LDB2: variants seen among roughly 807,000 people sequenced by gnomAD.
LDB2 encodes the protein LIM domain binding 2, also known as LIM domain-binding protein 2.
Under a neutral mutation model 44.3 loss-of-function variants are expected in LDB2, and 12 were observed. The ratio of observed to expected loss-of-function variants is 0.27; its 90% confidence interval spans 0.17 to 0.44. The LOEUF (loss-of-function observed/expected upper bound fraction) is 0.44, where lower values mean the gene tolerates loss of function less well. Ranked by LOEUF, LDB2 falls within the 20% of genes least tolerant of loss-of-function variation. The pLI is 1.00. For missense variants in LDB2, 344 were observed against 473.5 expected, an observed-to-expected ratio of 0.73 and a Z score of 2.54; for synonymous variants, 164 against 174.8, an observed-to-expected ratio of 0.94 and a Z score of 0.49.
chr4:16,703,027 TATGTCTATAC>T (rs1753825425), intron 2 of LDB2, among the ~76,000 whole-genome samples: 1 of 152,208 alleles, frequency 6.6e-6, no homozygotes, highest in African/African-American at 2.4e-5. Context: ...CCTTCCTGTG[TATGTCTATAC>T]ACAACCAACC....
chr4:16,540,087 C>T (rs1733243960), intron 5 of LDB2, among the ~76,000 whole-genome samples: 1 of 152,048 alleles, frequency 6.6e-6, no homozygotes. Flanking sequence ...GAGATGGTGC[C>T]ATACACTTTT....
Position 16,614,808 on chromosome 4 carries a change from C to T in LDB2, c.236-18933G>A, listed in dbSNP as rs1381965484. On this transcript the variant is annotated intron_variant, in intron 2 of 7. Transcript: ENST00000304523. ...AGAAACGGCCGGGCGCGGTGGCTCA[C>T]GCCTGTAATCCCAGCACTTTGGGAG... 7.3e-5 allele frequency among the ~76,000 whole-genome samples: 11 copies of T among 151,626 alleles called. 1 individual carries two copies. In the South Asian group the frequency reaches 8.3e-4, roughly 11 times the overall value.
chr4:16,503,915 G>T (rs1212729675), intron 7 of LDB2, among the ~76,000 whole-genome samples: 1 of 152,176 alleles, frequency 6.6e-6, no homozygotes, highest in Non-Finnish European at 1.5e-5. Flanking sequence ...CAGAGCTCCA[G>T]CTTCTTTGTT....
intron 2 of LDB2, among the ~76,000 whole-genome samples, chr4:16,670,762 G>C (rs957193189): frequency 1.3e-5 from 2 of 152,144 alleles, no homozygotes; most frequent in African/African-American, 2.4e-5. Flanking sequence ...GCCTGAAAAA[G>C]GTTTTGTGGT....
chr4:16,829,506 G>A (rs1231423333), intron 1 of LDB2, among the ~76,000 whole-genome samples: 4 of 152,074 alleles, frequency 2.6e-5, no homozygotes, highest in Non-Finnish European at 4.4e-5. Context: ...TATAAAAAGA[G>A]GGCACATTTT....
At chr4:16,702,117 G>C (rs1333068420) in intron 2 of LDB2, among the ~76,000 whole-genome samples, 3 of 152,044 alleles carry the variant, frequency 2.0e-5, no homozygotes, top group African/African-American at 4.8e-5. Flanking sequence ...ATAAATGAGA[G>C]GAGGAGAAAA....
chr4:16,838,100 A>C (rs990484528), intron 1 of LDB2, among the ~76,000 whole-genome samples: 2 of 152,240 alleles, frequency 1.3e-5, no homozygotes, highest in Non-Finnish European at 2.9e-5. Context: ...AAAGAAAATC[A>C]GAGCCCTGTT....
intron 2 of LDB2, among the ~76,000 whole-genome samples, chr4:16,599,685 T>C (rs1722030674): frequency 6.6e-6 from 1 of 152,098 alleles, no homozygotes; most frequent in African/African-American, 2.4e-5. Context: ...ATGTGCAATA[T>C]ATAAATAATG....
chr4:16,505,656 A>G (rs1719114169), intron 7 of LDB2, among the ~76,000 whole-genome samples: 2 of 148,390 alleles, frequency 1.3e-5, no homozygotes, highest in African/African-American at 2.5e-5. Context: ...CAGTGAGAGT[A>G]CATTTCCTTC....
At chr4:16,716,134 C>CT (rs1339747786) in intron 2 of LDB2, among the ~76,000 whole-genome samples, 2 of 152,120 alleles carry the variant, frequency 1.3e-5, no homozygotes, top group African/African-American at 4.8e-5. Context: ...ATGTTTCTAT[C>CT]TTTTTCTTAA....
At chr4:16,865,085 G>A (rs568024520) in intron 1 of LDB2, among the ~76,000 whole-genome samples, 2 of 150,742 alleles carry the variant, frequency 1.3e-5, no homozygotes, top group East Asian at 2.0e-4. Context: ...ACCCCGTCTC[G>A]TCTAAAAATA....
chr4:16,853,590 T>C lies in LDB2; in HGVS notation c.132+44764A>G, dbSNP rs373220590. Reference sequence around the variant, plus strand: ...TGGAGGTTTCCAAAGACATTAAACATAGAACTAACATGTGGCTTAGTAATC... The same window carrying C: ...TGGAGGTTTCCAAAGACATTAAACACAGAACTAACATGTGGCTTAGTAATC... On this transcript the variant is annotated intron_variant, in intron 1 of 7. Coordinates refer to ENST00000304523, the MANE Select transcript of LDB2 (RefSeq NM_001290.5). 3.1e-4 allele frequency among the ~76,000 whole-genome samples: 47 copies of C among 152,286 alleles called. No individual in the cohort carries two copies. In the South Asian group the frequency reaches 9.5e-3, roughly 31 times the overall value.
At chr4:16,721,334 G>A (rs554126618) in intron 2 of LDB2, among the ~76,000 whole-genome samples, 1 of 152,086 alleles carries the variant, frequency 6.6e-6, no homozygotes, top group South Asian at 2.1e-4. Context: ...AAAATATAAG[G>A]GACAGCATGT....
Position 16,752,535 on chromosome 4 carries a change from T to C in LDB2, c.235+6623A>G, listed in dbSNP as rs979542568. 1.3e-5 allele frequency: 5 copies of C among 396,174 alleles called. No individual in the cohort carries two copies. In the East Asian group the frequency reaches 3.1e-4, roughly 25 times the overall value. 24.5% of individuals were successfully genotyped at this position (396,174 alleles called of 1,614,324 possible). A position where few individuals can be genotyped will look rare whatever the true frequency, so the allele number is the denominator to read the frequency against. On this transcript the variant is annotated intron_variant, in intron 2 of 7. Coordinates refer to ENST00000304523, the MANE Select transcript of LDB2 (RefSeq NM_001290.5). ...TTCCCACTATGTGCCAAATAAATAA[T>C]GGGAACTCCATGGTAATTTGAAGTG...
chr4:16,693,756 C>T (rs536256337), intron 2 of LDB2, among the ~76,000 whole-genome samples: 35 of 152,298 alleles, frequency 2.3e-4, no homozygotes, highest in Non-Finnish European at 4.6e-4. Context: ...CTGTGCAATG[C>T]GAATGCAGCA....
Position 16,632,067 on chromosome 4 carries a change from T to A in LDB2, c.236-36192A>T, listed in dbSNP as rs960856079. Reference sequence around the variant, plus strand: ...TTCCAATCAATAGAAAAAGAGGGAATCCTCCCTAACTCATTTTATGAGGCC... The same window carrying A: ...TTCCAATCAATAGAAAAAGAGGGAAACCTCCCTAACTCATTTTATGAGGCC... On this transcript the variant is annotated intron_variant, in intron 2 of 7. Transcript: ENST00000304523. 1.2e-4 allele frequency among the ~76,000 whole-genome samples: 19 copies of A among 152,206 alleles called. No individual in the cohort carries two copies. In the South Asian group the frequency reaches 4.0e-3, roughly 32 times the overall value.
At chr4:16,510,239 C>T (rs16893562) in intron 6 of LDB2, among the ~76,000 whole-genome samples, 4,908 of 152,292 alleles carry the variant, frequency 0.032, 242 homozygotes, top group African/African-American at 0.11. Flanking sequence ...GTATCCCTGA[C>T]TTCTTTTTGA....
chr4:16,674,676 T>C (rs1239975377), intron 2 of LDB2, among the ~76,000 whole-genome samples: 2 of 152,150 alleles, frequency 1.3e-5, no homozygotes, highest in Non-Finnish European at 2.9e-5. Flanking sequence ...CATTTTCTAT[T>C]ACATCAGTTG....
chr4:16,873,740 C>T (rs75722912), intron 1 of LDB2, among the ~76,000 whole-genome samples: 3,889 of 152,004 alleles, frequency 0.026, 135 homozygotes, highest in African/African-American at 0.081. Context: ...ATCCTATTGA[C>T]GTATAATGTG....
Sources: allele counts gnomAD v4.1 joint callset (sites outside exome capture counted in the v4.1 genomes callset), GRCh38; gene constraint gnomAD v4.1.1; transcripts MANE v1.5; gene names NCBI Gene and HGNC (gene_info 2026-07-23, HGNC 2026-07-21).